Variants in CADPS2 observed in about 807,000 individuals in gnomAD.
The protein encoded by CADPS2 is calcium dependent secretion activator 2, also known as calcium-dependent secretion activator 2.
Under a neutral mutation model 172.5 loss-of-function variants are expected in CADPS2, and 93 were observed. That is an observed-to-expected ratio of 0.54 (90% CI 0.46 to 0.64). The LOEUF (loss-of-function observed/expected upper bound fraction) is 0.64, where lower values mean the gene tolerates loss of function less well. Among genes scored for constraint, CADPS2 ranks in the 30% least tolerant of loss-of-function variants. The pLI is 0.00. For missense variants in CADPS2, 1,420 were observed against 1,565.9 expected (o/e 0.91, Z 1.57); for synonymous variants, 546 against 555.2 (o/e 0.98, Z 0.23).
At chr7:122,466,160 A>T (rs1188333642) in intron 14 of CADPS2, among the ~76,000 whole-genome samples, 7 of 152,200 alleles carry the variant, frequency 4.6e-5, no homozygotes. Context: ...GGTTAATGTG[A>T]TATAGTCTAA....
chr7:122,489,029 A>G (rs2058073558), intron 11 of CADPS2, among the ~76,000 whole-genome samples: 1 of 152,202 alleles, frequency 6.6e-6, no homozygotes, highest in South Asian at 2.1e-4. Context: ...TAAGATGACA[A>G]TGCTACTAAT....
At chr7:122,869,492 C>CA (rs1354678855) in intron 1 of CADPS2, among the ~76,000 whole-genome samples, 2 of 151,280 alleles carry the variant, frequency 1.3e-5, no homozygotes, top group Non-Finnish European at 2.9e-5. Context: ...ACCTGTCCTT[C>CA]AAAAATGTAG....
At chr7:122,660,707 G>A (rs753939196) in intron 3 of CADPS2, among the ~76,000 whole-genome samples, 6 of 151,904 alleles carry the variant, frequency 3.9e-5, no homozygotes, top group Admixed American at 6.6e-5. Flanking sequence ...TCAGGAGATC[G>A]AGACCATCCC....
intron 9 of CADPS2, among the ~76,000 whole-genome samples, chr7:122,505,068 GCTTT>G (rs2059511340): frequency 6.6e-6 from 1 of 151,992 alleles, no homozygotes; most frequent in Non-Finnish European, 1.5e-5. Flanking sequence ...AAAAATTATT[GCTTT>G]CTTAAAAACC....
intron 7 of CADPS2, among the ~76,000 whole-genome samples, chr7:122,574,302 C>T (rs2067669913): frequency 6.6e-6 from 1 of 151,272 alleles, no homozygotes; most frequent in Admixed American, 6.6e-5. Context: ...AAAAATTTGC[C>T]CAGCACGGTG....
At chr7:122,865,156 C>G (rs1340032693) in intron 1 of CADPS2, among the ~76,000 whole-genome samples, 2 of 147,396 alleles carry the variant, frequency 1.4e-5, no homozygotes, top group Admixed American at 1.3e-4. Context: ...CTCTCTCACA[C>G]TCTCTCGTTT....
At chr7:122,511,663 T>C (rs191484617) in intron 9 of CADPS2, among the ~76,000 whole-genome samples, 18 of 152,244 alleles carry the variant, frequency 1.2e-4, no homozygotes, top group African/African-American at 4.3e-4. Flanking sequence ...ATTGAAATCA[T>C]GTAGTTAAAT....
At position 122,403,744 on chromosome 7, in the gene CADPS2, CATTCATTGTAGATAAGTA is replaced by C. The variant is rs1255125103; in HGVS notation, c.2746+3778_2746+3795del. Among the ~76,000 whole-genome samples the C allele has an allele frequency of 5.3e-5, 8 of 151,876 alleles. No individual in the cohort carries two copies. The South Asian group carries it at 8.4e-4, about 16-fold the overall frequency. ...TAATTCATTGGAATTAATGATATTC[CATTCATTGTAGATAAGTA>C]ATTCATTGTAGATAAGTAATTCCAT... On this transcript the variant is annotated intron_variant, in intron 20 of 29. Coordinates refer to ENST00000449022, the MANE Select transcript of CADPS2 (RefSeq NM_017954.11).
At chr7:122,402,773 G>A (rs537089882) in intron 20 of CADPS2, among the ~76,000 whole-genome samples, 7 of 152,006 alleles carry the variant, frequency 4.6e-5, no homozygotes, top group East Asian at 1.9e-4. Context: ...TTTGTGTAAC[G>A]CACACACACA....
chr7:122,700,807 T>C (rs1045959857), intron 2 of CADPS2, among the ~76,000 whole-genome samples: 2 of 152,162 alleles, frequency 1.3e-5, no homozygotes, highest in African/African-American at 4.8e-5. Context: ...GCTGAGTCAC[T>C]ATGCTAGGAT....
intron 1 of CADPS2, among the ~76,000 whole-genome samples, chr7:122,858,383 T>C (rs1227756280): frequency 6.6e-6 from 1 of 152,188 alleles, no homozygotes; most frequent in Non-Finnish European, 1.5e-5. Context: ...AACAAAGTTC[T>C]TATTTTGTAA....
Position 122,672,793 on chromosome 7 carries a change from C to T in CADPS2, c.454-9224G>A, listed in dbSNP as rs572096031. Among the ~76,000 whole-genome samples, 14 of 152,314 alleles carry T rather than the reference C, an allele frequency of 9.2e-5. No individual in the cohort carries two copies. In the South Asian group the frequency reaches 2.3e-3, roughly 25 times the overall value. On this transcript the variant is annotated intron_variant, in intron 2 of 29. Coordinates refer to ENST00000449022, the MANE Select transcript of CADPS2 (RefSeq NM_017954.11). Reference sequence around the variant, plus strand: ...TGGGCACACAACTTATTCAGTGTGGCGTTTAGTAACCTCACGTCGGAAAAC... The same window carrying T: ...TGGGCACACAACTTATTCAGTGTGGTGTTTAGTAACCTCACGTCGGAAAAC...
intron 2 of CADPS2, among the ~76,000 whole-genome samples, chr7:122,721,314 G>T (rs1486779104): frequency 1.3e-5 from 2 of 151,986 alleles, no homozygotes; most frequent in African/African-American, 4.8e-5. Flanking sequence ...AAGAAGAAAA[G>T]AGAGAAGAAT....
intron 6 of CADPS2, among the ~76,000 whole-genome samples, chr7:122,589,281 T>C (rs879269389): frequency 2.0e-5 from 3 of 151,798 alleles, no homozygotes; most frequent in Non-Finnish European, 2.9e-5. Context: ...CCTCTGAAAA[T>C]TGGGAATTAA....
At chr7:122,554,722 A>G (rs1341085180) in intron 7 of CADPS2, 33 bp from the exon 8 acceptor site, 7 of 1,558,082 alleles carry the variant, frequency 4.5e-6, no homozygotes, top group Non-Finnish European at 6.1e-6. Flanking sequence ...ATTTAAACGC[A>G]TGATACGGAG....
intron 1 of CADPS2, among the ~76,000 whole-genome samples, chr7:122,753,643 T>C (rs2093038599): frequency 6.6e-6 from 1 of 152,228 alleles, no homozygotes; most frequent in Non-Finnish European, 1.5e-5. Context: ...ACAGTTATGA[T>C]TGAAGAAAGT....
At chr7:122,427,259 T>A (rs2049288645) in intron 17 of CADPS2, 1 of 152,168 alleles carries the variant, frequency 6.6e-6, no homozygotes, top group African/African-American at 2.4e-5. Context: ...TTTAATTAAC[T>A]ATTTCTGAAC....
intron 2 of CADPS2, among the ~76,000 whole-genome samples, chr7:122,692,433 T>C (rs1212644758): frequency 6.6e-6 from 1 of 152,192 alleles, no homozygotes; most frequent in Non-Finnish European, 1.5e-5. Flanking sequence ...CAAACGCCCA[T>C]GTGACTCTGC....
intron 1 of CADPS2, among the ~76,000 whole-genome samples, chr7:122,770,224 T>C (rs1487592597): frequency 6.6e-6 from 1 of 152,190 alleles, no homozygotes; most frequent in Admixed American, 6.5e-5. Context: ...GCTCATTTCT[T>C]TTCCTTCTTT....
Sources: allele counts gnomAD v4.1 joint callset (sites outside exome capture counted in the v4.1 genomes callset), GRCh38; gene constraint gnomAD v4.1.1; transcripts MANE v1.5; gene names NCBI Gene and HGNC (gene_info 2026-07-23, HGNC 2026-07-21).